SEMA3A: variants seen among roughly 807,000 people sequenced by gnomAD.
SEMA3A encodes the protein semaphorin-3A.
SEMA3A carries 29 observed loss-of-function variants against 97.9 expected under a neutral mutation model. The observed-to-expected ratio is 0.30, with a 90% CI of 0.22 to 0.40. SEMA3A has a LOEUF of 0.40. Ranked by LOEUF, SEMA3A falls within the 10% of genes least tolerant of loss-of-function variation. The probability of loss-of-function intolerance (pLI) is 1.00; values close to 1 mark genes in which losing one functional copy is unlikely to be tolerated. For missense variants in SEMA3A, 763 were observed against 951.3 expected, an observed-to-expected ratio of 0.80 and a Z score of 2.60; for synonymous variants, 321 against 323.7, an observed-to-expected ratio of 0.99 and a Z score of 0.09.
In SEMA3A at chr7:84,134,821, G is replaced by A; in HGVS notation, c.243C>T (p.Asp81=). ...VGAKDHIFSF[D]LVNIKDFQKI... ...TTTGAAAATCCTTGATATTAACCAG[G>A]TCGAATGAAAATATGTGATCCTTTG... The change falls in exon 2 of 17, where the codon GAC becomes GAT. Residue 81 remains aspartate (D), a synonymous_variant. Transcript: ENST00000265362. The A allele has an allele frequency of 1.2e-6, 2 of 1,612,480 alleles. No homozygotes were observed. Among genetic ancestry groups the A allele is most frequent in the South Asian group, 2.2e-5 (2 of 90,834 alleles).
At position 83,961,480 on chromosome 7, in the gene SEMA3A, C is replaced by T. The variant is rs2116246126; in HGVS notation, c.2207G>A (p.Arg736Lys). 1 of 1,614,036 alleles carries T rather than the reference C, an allele frequency of 6.2e-7. No individual in the cohort carries two copies. Among genetic ancestry groups the T allele is most frequent in the South Asian group, 1.1e-5 (1 of 91,078 alleles). Residue 736 changes from arginine (R) to lysine (K), a missense_variant, in exon 17 of 17, where the codon AGG (arginine) becomes AAG (lysine). Coordinates refer to ENST00000265362, the MANE Select transcript of SEMA3A (RefSeq NM_006080.3). Reference protein sequence around the residue: ...WKRDRKQRRQRPGHTPGNSNK... With the variant: ...WKRDRKQRRQKPGHTPGNSNK... Reference sequence around the variant, plus strand: ...ACTGTTCCCTGGGGTATGTCCTGGCCTTTGCCGACGTTGTTTTCGGTCCCT... The same window carrying T: ...ACTGTTCCCTGGGGTATGTCCTGGCTTTTGCCGACGTTGTTTTCGGTCCCT...
intron 1 of SEMA3A, among the ~76,000 whole-genome samples, chr7:84,462,779 G>A (rs908303612): frequency 1.3e-5 from 2 of 152,060 alleles, no homozygotes; most frequent in Non-Finnish European, 2.9e-5. Flanking sequence ...AAAAATTGTC[G>A]AGAAAGAATA....
chr7:83,956,620 G>A lies in SEMA3A; in HGVS notation c.*4751C>T, dbSNP rs1039440806. ...ATATGACAGTCTGTGCCAAGGATGC[G>A]AATGTGGGGTACAAACAGAGGGCAA... is the stretch of plus-strand genomic sequence containing the variant. On this transcript the variant is annotated 3_prime_UTR_variant, in exon 17 of 17. Transcript: ENST00000265362. 5 of 152,100 alleles carry A rather than the reference G, an allele frequency of 3.3e-5. No individual in the cohort carries two copies. The highest frequency in any genetic ancestry group is 1.2e-4 in the African/African-American group (5 of 41,428). The allele number at this position is 152,100 out of a possible 1,614,324, so 9.4% of individuals were successfully genotyped here.
At chr7:84,220,788 C>T (rs534890106) in intron 3 of SEMA3A, among the ~76,000 whole-genome samples, 55 of 152,238 alleles carry the variant, frequency 3.6e-4, no homozygotes, top group Middle Eastern at 3.4e-3. Flanking sequence ...CGTGCTGTCA[C>T]ACAGACTTCA....
chr7:84,228,316 C>A (rs1038608829), intron 3 of SEMA3A, among the ~76,000 whole-genome samples: 4 of 151,846 alleles, frequency 2.6e-5, no homozygotes, highest in Non-Finnish European at 4.4e-5. Context: ...AATACCGTAC[C>A]CCATCACACA....
chr7:84,059,260 G>C (rs1793119940), intron 5 of SEMA3A, among the ~76,000 whole-genome samples: 1 of 152,050 alleles, frequency 6.6e-6, no homozygotes, highest in South Asian at 2.1e-4. Flanking sequence ...TTAAACTTTT[G>C]TTAAAATGCT....
intron 1 of SEMA3A, among the ~76,000 whole-genome samples, chr7:84,447,580 C>A (rs78632184): frequency 2.0e-5 from 3 of 152,256 alleles, no homozygotes; most frequent in Middle Eastern, 3.4e-3. Context: ...ATACCCACTT[C>A]GGGGTTTCCT....
chr7:84,315,676 G>A (rs192013471), intron 2 of SEMA3A, among the ~76,000 whole-genome samples: 21 of 152,044 alleles, frequency 1.4e-4, no homozygotes, highest in African/African-American at 4.8e-4. Context: ...TGTTTCAGTA[G>A]ACATATGGTT....
At chr7:84,069,472 C>T (rs530083359) in intron 4 of SEMA3A, among the ~76,000 whole-genome samples, 5 of 152,160 alleles carry the variant, frequency 3.3e-5, no homozygotes, top group Middle Eastern at 3.4e-3. Flanking sequence ...TCTTATGTCA[C>T]AGTAGAAATG....
At chr7:84,418,065 T>C (rs1280666334) in intron 1 of SEMA3A, among the ~76,000 whole-genome samples, 1 of 152,110 alleles carries the variant, frequency 6.6e-6, no homozygotes, top group African/African-American at 2.4e-5. Flanking sequence ...AGGTGGCTGG[T>C]AAAGTTTTGT....
intron 3 of SEMA3A, among the ~76,000 whole-genome samples, chr7:84,262,164 T>A (rs1485692810): frequency 6.6e-6 from 1 of 152,144 alleles, no homozygotes; most frequent in Non-Finnish European, 1.5e-5. Context: ...TACTTTTAAC[T>A]GGTGGCCAGC....
intron 1 of SEMA3A, among the ~76,000 whole-genome samples, chr7:84,390,168 G>A (rs937140110): frequency 2.6e-5 from 4 of 151,662 alleles, no homozygotes; most frequent in African/African-American, 9.7e-5. Flanking sequence ...TTGTGTTTTG[G>A]GACACTTTAT....
intron 1 of SEMA3A, among the ~76,000 whole-genome samples, chr7:84,381,663 T>C (rs182479876): frequency 2.1e-4 from 32 of 152,332 alleles, no homozygotes; most frequent in African/African-American, 7.2e-4. Context: ...GGGCTCATCC[T>C]TCTATATGCT....
intron 1 of SEMA3A, among the ~76,000 whole-genome samples, chr7:84,474,705 C>T (rs148339779): frequency 6.2e-4 from 94 of 152,112 alleles, no homozygotes; most frequent in East Asian, 5.4e-3. Context: ...AATTAATAGC[C>T]GGTATTCTTC....
At chr7:83,974,230 G>A (rs924562482) in intron 15 of SEMA3A, among the ~76,000 whole-genome samples, 4 of 152,064 alleles carry the variant, frequency 2.6e-5, no homozygotes, top group African/African-American at 9.7e-5. Flanking sequence ...GGATCAAGAG[G>A]AGGTGTAGCT....
At chr7:84,415,592 A>G (rs1347785901) in intron 1 of SEMA3A, among the ~76,000 whole-genome samples, 1 of 152,122 alleles carries the variant, frequency 6.6e-6, no homozygotes, top group African/African-American at 2.4e-5. Flanking sequence ...AACTACTTAT[A>G]CCTGATGAAT....
chr7:84,457,157 A>G (rs1805706122), intron 1 of SEMA3A, among the ~76,000 whole-genome samples: 1 of 151,754 alleles, frequency 6.6e-6, no homozygotes, highest in Non-Finnish European at 1.5e-5. Flanking sequence ...GCTAGTGTGG[A>G]ATGAAGTGTT....
intron 3 of SEMA3A, among the ~76,000 whole-genome samples, chr7:84,221,437 T>G (rs2116337314): frequency 6.6e-6 from 1 of 152,306 alleles, no homozygotes. Context: ...GGCTAGATTT[T>G]TGGTACAAAA....
intron 2 of SEMA3A, among the ~76,000 whole-genome samples, chr7:84,353,355 C>T (rs1035547068): frequency 1.3e-5 from 2 of 151,606 alleles, no homozygotes; most frequent in Admixed American, 6.6e-5. Flanking sequence ...TATACCCATA[C>T]ACACACATCT....
Sources: allele counts gnomAD v4.1 joint callset (sites outside exome capture counted in the v4.1 genomes callset), GRCh38; gene constraint gnomAD v4.1.1; transcripts MANE v1.5; gene names NCBI Gene and HGNC (gene_info 2026-07-23, HGNC 2026-07-21).